TCF7L1: variants seen among roughly 807,000 people sequenced by gnomAD.
TCF7L1 encodes transcription factor 7 like 1, also known as transcription factor 7-like 1.
Under a neutral mutation model 63.7 loss-of-function variants are expected in TCF7L1, and 18 were observed. The ratio of observed to expected loss-of-function variants is 0.28; its 90% CI spans 0.20 to 0.42. The LOEUF is 0.42. Among genes scored for constraint, TCF7L1 ranks in the 10% least tolerant of loss-of-function variants. The probability of loss-of-function intolerance (pLI) is 1.00; values close to 1 mark genes in which losing one functional copy is unlikely to be tolerated. For missense variants in TCF7L1, 654 were observed against 779.3 expected, an observed-to-expected ratio of 0.84 and a Z score of 1.91; for synonymous variants, 355 against 340.9, an observed-to-expected ratio of 1.04 and a Z score of -0.46.
chr2:85,172,808 G>C (rs1678579325), intron 3 of TCF7L1, among the ~76,000 whole-genome samples: 2 of 151,984 alleles, frequency 1.3e-5, no homozygotes, highest in Admixed American at 6.6e-5. Context: ...CACCTCCTCA[G>C]TGAGGCCTCC....
rs185019389 is a variant in TCF7L1 at position 85,273,984 on chromosome 2, G to T, written c.442-9511G>T. Among the ~76,000 whole-genome samples the T allele has an allele frequency of 3.9e-3, 593 of 152,294 alleles. 4 individuals carry two copies. Among genetic ancestry groups the T allele is most frequent in the Non-Finnish European group, 5.6e-3 (379 of 68,020 alleles). On this transcript the variant is annotated intron_variant, in intron 3 of 11. Coordinates refer to ENST00000282111, the MANE Select transcript of TCF7L1 (RefSeq NM_031283.3). The stretch of plus-strand genomic sequence containing the variant: ...CAGCAGGTGGACTCTGCATCCTGTG[G>T]GGGCCAGGGCAGATGTTCTCACCTG...
In TCF7L1 at chr2:85,213,026, G is replaced by A. The variant is rs1679610124; in HGVS notation, c.442-70469G>A. ...CTGGTGGAGTCCTGGAAGTGGGTGA[G>A]GTGTGGGGTGGGGTGAGAAGGGGTT... On this transcript the variant is annotated intron_variant, in intron 3 of 11. Coordinates refer to ENST00000282111, the MANE Select transcript of TCF7L1 (RefSeq NM_031283.3). 2.0e-5 allele frequency among the ~76,000 whole-genome samples: 3 copies of A among 152,228 alleles called. No homozygotes were observed. In the South Asian group the frequency reaches 6.2e-4, roughly 32 times the overall value.
intron 4 of TCF7L1, among the ~76,000 whole-genome samples, chr2:85,298,348 G>T (rs1219746025): frequency 1.3e-5 from 2 of 151,384 alleles, no homozygotes; most frequent in Non-Finnish European, 2.9e-5. Flanking sequence ...AAAATTAGCT[G>T]GGCATGGTGG....
At chr2:85,135,996 C>G (rs1677585205) in intron 3 of TCF7L1, among the ~76,000 whole-genome samples, 1 of 152,076 alleles carries the variant, frequency 6.6e-6, no homozygotes, top group Non-Finnish European at 1.5e-5. Flanking sequence ...CACCAGTGCC[C>G]ACACATGTAG....
At chr2:85,262,241 T>C (rs544090175) in intron 3 of TCF7L1, 144 of 550,294 alleles carry the variant, frequency 2.6e-4, no homozygotes, top group Non-Finnish European at 3.8e-4. Flanking sequence ...ATCTATTTTG[T>C]AAGTATCTGA....
chr2:85,204,256 AAG>A (rs1362545169), intron 3 of TCF7L1, among the ~76,000 whole-genome samples: 1 of 150,310 alleles, frequency 6.7e-6, no homozygotes, highest in African/African-American at 2.5e-5. Flanking sequence ...TTTTAACACA[AAG>A]AGGATTCTGT....
chr2:85,264,408 G>A (rs751360887), intron 3 of TCF7L1, among the ~76,000 whole-genome samples: 2 of 152,110 alleles, frequency 1.3e-5, no homozygotes, highest in East Asian at 1.9e-4. Context: ...ACAAATCCTC[G>A]GACATGAGAT....
Position 85,309,149 on chromosome 2 carries a change from C to T in TCF7L1, c.1454C>T (p.Ala485Val), listed in dbSNP as rs1293736914. Reference sequence around the variant, plus strand: ...GACTCCCCGGCCACTCCCTCTGCAGCTTTGGCCTCACCAGCTGCCCCTGCT... The same window carrying T: ...GACTCCCCGGCCACTCCCTCTGCAGTTTTGGCCTCACCAGCTGCCCCTGCT... ...MLDSPATPSA[A>V]LASPAAPAAT... Residue 485 changes from alanine (A) to valine (V), a missense_variant, in exon 12 of 12, where the codon GCT becomes GTT. Ala to Val is a moderately conservative substitution (Grantham distance 64, BLOSUM62 0). Around this residue, in one of 3 missense-constraint regions of TCF7L1, gnomAD observed 184 missense variants for 204.0 expected, o/e 0.90. Coordinates refer to ENST00000282111, the MANE Select transcript of TCF7L1 (RefSeq NM_031283.3). 6.2e-7 allele frequency: 1 copy of T among 1,614,054 alleles called. No individual in the cohort carries two copies. Among genetic ancestry groups the T allele is most frequent in the Admixed American group, 1.7e-5 (1 of 60,024 alleles).
At chr2:85,268,513 AC>A (rs1411706644) in intron 3 of TCF7L1, among the ~76,000 whole-genome samples, 1 of 137,484 alleles carries the variant, frequency 7.3e-6, no homozygotes, top group Non-Finnish European at 1.5e-5. Flanking sequence ...CGCTCACGTC[AC>A]CCAGGCTGGA....
At chr2:85,259,845 G>C (rs529455997) in intron 3 of TCF7L1, among the ~76,000 whole-genome samples, 1 of 152,310 alleles carries the variant, frequency 6.6e-6, no homozygotes, top group South Asian at 2.1e-4. Flanking sequence ...AAAGGAAAAA[G>C]GAGGGCCGTG....
intron 3 of TCF7L1, among the ~76,000 whole-genome samples, chr2:85,221,813 T>A (rs1679845898): frequency 6.6e-6 from 1 of 151,564 alleles, no homozygotes; most frequent in South Asian, 2.1e-4. Flanking sequence ...TAAAGTAAAA[T>A]AACATTGAAC....
chr2:85,140,512 T>G (rs1394471102), intron 3 of TCF7L1, among the ~76,000 whole-genome samples: 3 of 151,960 alleles, frequency 2.0e-5, no homozygotes, highest in African/African-American at 7.2e-5. Flanking sequence ...GGAAAGAAAG[T>G]GGGAGGCCAG....
chr2:85,284,462 G>A (rs1681496109), intron 4 of TCF7L1, among the ~76,000 whole-genome samples: 1 of 152,250 alleles, frequency 6.6e-6, no homozygotes, highest in South Asian at 2.1e-4. Flanking sequence ...GACAGGAGCA[G>A]TGGATCCAAG....
intron 7 of TCF7L1, 159 bp downstream of exon 7, chr2:85,304,497 AC>A: frequency 3.1e-6 from 2 of 638,798 alleles, no homozygotes; most frequent in South Asian, 4.1e-5. Context: ...CGCGCTCCCC[AC>A]CCCCAGGTCA....
At chr2:85,186,769 A>G (rs1327291562) in intron 3 of TCF7L1, 1 of 152,242 alleles carries the variant, frequency 6.6e-6, no homozygotes, top group African/African-American at 2.4e-5. Flanking sequence ...TATGTAAAAG[A>G]AGTCATAAAC....
chr2:85,136,748 G>A (rs1244566447), intron 3 of TCF7L1, among the ~76,000 whole-genome samples: 2 of 152,200 alleles, frequency 1.3e-5, no homozygotes, highest in Admixed American at 6.5e-5. Context: ...GGTCAGCACA[G>A]TTAAACCTAA....
chr2:85,307,613 T>C, intron 10 of TCF7L1, 29 bp from the exon 11 acceptor site: 4 of 1,606,838 alleles, frequency 2.5e-6, no homozygotes, highest in Non-Finnish European at 3.4e-6. Flanking sequence ...CTCTCCCAGC[T>C]TACCTCTTCC....
chr2:85,282,843 T>TGTGTGTGTGTGTGTGTGTG (rs61230836), intron 3 of TCF7L1, among the ~76,000 whole-genome samples: 1 of 126,268 alleles, frequency 7.9e-6, no homozygotes, highest in Non-Finnish European at 1.7e-5. Context: ...TGTGTGTGTG[T>TGTGTGTGTGTGTGTGTGTG]TGGGGAAGTA....
rs901454056 is a variant in TCF7L1 at position 85,133,545 on chromosome 2, G to A, written c.-140G>A. 5.3e-6 allele frequency: 1 copy of A among 190,452 alleles called. No homozygotes were observed. The highest frequency in any genetic ancestry group is 6.6e-5 in the Admixed American group (1 of 15,040). The allele number at this position is 190,452 out of a possible 1,614,324, so 11.8% of individuals were successfully genotyped here. A position where few individuals can be genotyped will look rare whatever the true frequency, so the allele number is the denominator to read the frequency against. ...GGGCAGCGCCGGGCCCGCTTCCCGC[G>A]GGGCCACGCCCTGTCAAACTTTGTT... On this transcript the variant is annotated 5_prime_UTR_variant, in exon 1 of 12. Coordinates refer to ENST00000282111, the MANE Select transcript of TCF7L1 (RefSeq NM_031283.3). The surrounding 1 kb of genome is among the most constrained non-coding windows in gnomAD (Gnocchi z 4.4).
Sources: gnomAD v4.1 joint callset for allele counts (sites outside exome capture counted in the v4.1 genomes callset) on GRCh38, gnomAD v4.1.1 for gene constraint, gnomAD v4.1.1 regional missense constraint, Gnocchi (gnomAD v3.1) non-coding constraint, MANE v1.5 for transcripts, NCBI Gene and HGNC (gene_info 2026-07-23, HGNC 2026-07-21) for gene names.